The following TMC2 variants were observed in gnomAD, a reference collection of about 807,000 sequenced individuals.
TMC2 encodes transmembrane channel like 2, also known as transmembrane channel-like protein 2.
In TMC2, 102 loss-of-function variants were observed where a neutral mutation model predicts 105.9. That is an observed-to-expected ratio of 0.96 (90% CI 0.82 to 1.14). The LOEUF (loss-of-function observed/expected upper bound fraction) is 1.14, where lower values mean the gene tolerates loss of function less well. Among genes scored for constraint, TMC2 ranks in the 50% most tolerant of loss-of-function variants. The pLI, the probability that TMC2 is intolerant of heterozygous loss-of-function variation, is 0.00. For synonymous variants in TMC2, 402 were observed against 422.8 expected, an observed-to-expected ratio of 0.95 and a Z score of 0.60; for missense variants, 1,093 against 1,134.3, an observed-to-expected ratio of 0.96 and a Z score of 0.52.
rs1233633394 is a variant in TMC2 at position 2,616,407 on chromosome 20, T to G, written c.1940+203T>G. Among the ~76,000 whole-genome samples the G allele has an allele frequency of 3.4e-5, 5 of 147,670 alleles. No individual in the cohort carries two copies. Among genetic ancestry groups the G allele is most frequent in the Non-Finnish European group, 7.4e-5 (5 of 67,292 alleles). Reference sequence around the variant, plus strand: ...GCCCACCCATGTGCTACCATAGAAGTAGAGAGAAAGGGAGAGGGGTTGGTG... The same window carrying G: ...GCCCACCCATGTGCTACCATAGAAGGAGAGAGAAAGGGAGAGGGGTTGGTG... On this transcript the variant is annotated intron_variant, in intron 15 of 19. Coordinates refer to ENST00000358864, the MANE Select transcript of TMC2 (RefSeq NM_080751.3). This position sits in a 1 kb window ranked among gnomAD's most constrained non-coding sequence, Gnocchi z 4.8.
At chr20:2,571,177 G>T (rs1053597340) in intron 4 of TMC2, among the ~76,000 whole-genome samples, 1 of 152,156 alleles carries the variant, frequency 6.6e-6, no homozygotes, top group African/African-American at 2.4e-5. Flanking sequence ...CAAAGCTGCT[G>T]CACAACAAAA....
At chr20:2,566,511 T>C (rs532759857) in intron 4 of TMC2, among the ~76,000 whole-genome samples, 2 of 152,282 alleles carry the variant, frequency 1.3e-5, no homozygotes, top group Middle Eastern at 3.4e-3. Flanking sequence ...ATTAATCAGG[T>C]CTGTCTCTCA....
intron 11 of TMC2, among the ~76,000 whole-genome samples, chr20:2,606,468 C>T (rs1003297545): frequency 6.6e-6 from 1 of 152,186 alleles, no homozygotes; most frequent in African/African-American, 2.4e-5. Context: ...CCCTGTTGGC[C>T]AGGCTGGTCT....
At chr20:2,602,390 C>A in intron 11 of TMC2, 89 bp downstream of exon 11, 1 of 1,002,058 alleles carries the variant, frequency 1.0e-6, no homozygotes, top group South Asian at 2.3e-5. Context: ...TATCGAAAGT[C>A]TGGATTATAG....
At chr20:2,604,486 A>C (rs1354243992) in intron 11 of TMC2, among the ~76,000 whole-genome samples, 3 of 152,150 alleles carry the variant, frequency 2.0e-5, no homozygotes, top group African/African-American at 7.2e-5. Context: ...TAGGGCTGTG[A>C]TATTATTATA....
At chr20:2,640,997 C>T in intron 19 of TMC2, 137 bp from the exon 20 acceptor site, 1 of 722,136 alleles carries the variant, frequency 1.4e-6, no homozygotes, top group Non-Finnish European at 2.4e-6. Flanking sequence ...CCCGAGACAG[C>T]TGAGTGCAAT....
intron 4 of TMC2, among the ~76,000 whole-genome samples, chr20:2,565,453 G>T (rs913916040): frequency 6.6e-6 from 1 of 152,166 alleles, no homozygotes; most frequent in Non-Finnish European, 1.5e-5. Context: ...ATGTTGCCGG[G>T]ACTGGTCTCG....
At chr20:2,617,552 A>G (rs1314746084) in intron 16 of TMC2, 1 of 542,866 alleles carries the variant, frequency 1.8e-6, no homozygotes, top group Non-Finnish European at 3.3e-6. Flanking sequence ...GCTTGAAATG[A>G]GGAACTGAGA....
At chr20:2,614,206 G>A (rs1452856602) in intron 14 of TMC2, among the ~76,000 whole-genome samples, 17 of 152,144 alleles carry the variant, frequency 1.1e-4, no homozygotes, top group Non-Finnish European at 2.4e-4. Context: ...ATATTACTAA[G>A]AGGTCATTGT....
intron 7 of TMC2, among the ~76,000 whole-genome samples, chr20:2,588,912 T>G (rs2086249144): frequency 6.6e-6 from 1 of 152,186 alleles, no homozygotes; most frequent in Non-Finnish European, 1.5e-5. Context: ...GATCACATGC[T>G]TCAGTTCTAT....
At chr20:2,606,891 C>CTTTTTTTTTTTTTTTTTTTTT (rs11476357) in intron 11 of TMC2, among the ~76,000 whole-genome samples, 1 of 83,982 alleles carries the variant, frequency 1.2e-5, no homozygotes, top group Non-Finnish European at 2.2e-5. Flanking sequence ...TTTCTTTTTT[C>CTTTTTTTTTTTTTTTTTTTTT]TTTTTTTTTT....
At chr20:2,568,911 T>C (rs2086083353) in intron 4 of TMC2, among the ~76,000 whole-genome samples, 1 of 152,114 alleles carries the variant, frequency 6.6e-6, no homozygotes, top group African/African-American at 2.4e-5. Flanking sequence ...TTCACACGTA[T>C]CAACTGTCCA....
intron 6 of TMC2, 74 bp downstream of exon 6, chr20:2,579,301 G>C (rs1265585773): frequency 2.2e-6 from 2 of 894,804 alleles, no homozygotes; most frequent in African/African-American, 3.3e-5. Context: ...TTGTTTCCTT[G>C]GCCCTCTGAA....
intron 17 of TMC2, among the ~76,000 whole-genome samples, chr20:2,627,268 C>T (rs8122381): frequency 0.022 from 3,325 of 152,288 alleles, 115 homozygotes; most frequent in African/African-American, 0.073. Flanking sequence ...CTCTCTTTTC[C>T]CAATTCTTCC....
At chr20:2,621,736 A>T (rs1454380972) in intron 16 of TMC2, among the ~76,000 whole-genome samples, 1 of 152,150 alleles carries the variant, frequency 6.6e-6, no homozygotes, top group African/African-American at 2.4e-5. Context: ...GAGGTTGGTG[A>T]TTCTTTCTTC....
Position 2,635,980 on chromosome 20 carries a change from C to T in TMC2, c.2361C>T (p.Ala787=). 1.9e-6 allele frequency: 3 copies of T among 1,614,050 alleles called. No individual in the cohort carries two copies. Among genetic ancestry groups the T allele is most frequent in the Non-Finnish European group, 2.5e-6 (3 of 1,179,946 alleles). ...SVSKSLSRAN[A]QLRKKIQVLR... ...CCAAAAGCCTTTCCCGAGCTAATGCCCAGCTGAGGAAGAAAATCCAAGTGG... is the reference window on the plus strand; with the variant it reads ...CCAAAAGCCTTTCCCGAGCTAATGCTCAGCTGAGGAAGAAAATCCAAGTGG... Residue 787 remains alanine, a synonymous_variant, in exon 18 of 20, where the codon GCC becomes GCT. Coordinates refer to ENST00000358864, the MANE Select transcript of TMC2 (RefSeq NM_080751.3).
chr20:2,547,111 C>T lies in TMC2; in HGVS notation c.82+9795C>T, dbSNP rs542064201. Among the ~76,000 whole-genome samples the T allele has an allele frequency of 3.3e-5, 5 of 151,884 alleles. No individual in the cohort carries two copies. In the East Asian group the frequency reaches 9.7e-4, roughly 29 times the overall value. On this transcript the variant is annotated intron_variant, in intron 2 of 19. Transcript: ENST00000358864. ...AACATATAAGAAAAATATATCAAGACTATATGAAGAATATCAAGTAAAAAG... is the reference window on the plus strand; with the variant it reads ...AACATATAAGAAAAATATATCAAGATTATATGAAGAATATCAAGTAAAAAG...
chr20:2,538,184 G>A lies in TMC2; in HGVS notation c.82+868G>A, dbSNP rs970454068. 5.3e-5 allele frequency among the ~76,000 whole-genome samples: 8 copies of A among 151,888 alleles called. No homozygotes were observed. The East Asian group carries it at 1.2e-3, about 22-fold the overall frequency. On this transcript the variant is annotated intron_variant, in intron 2 of 19. Transcript: ENST00000358864. ...TGTGACCCGCTGCTGTCTGGTTGTC[G>A]GGAGCCTGAGCTTCAGTGAGGCCGC... is the stretch of plus-strand genomic sequence containing the variant.
chr20:2,638,756 A>G (rs2086667641), intron 19 of TMC2, among the ~76,000 whole-genome samples: 1 of 152,260 alleles, frequency 6.6e-6, no homozygotes, highest in Non-Finnish European at 1.5e-5. Flanking sequence ...TTAAAAACAG[A>G]AAAAGCTTAT....
Sources: allele counts gnomAD v4.1 joint callset (sites outside exome capture counted in the v4.1 genomes callset), GRCh38; gene constraint gnomAD v4.1.1; non-coding constraint Gnocchi (gnomAD v3.1); transcripts MANE v1.5; gene names NCBI Gene and HGNC (gene_info 2026-07-23, HGNC 2026-07-21).